FANCB: variants seen among roughly 807,000 people sequenced by gnomAD.
FANCB encodes Fanconi anemia group B protein.
A neutral mutation model predicts 38.9 loss-of-function variants in FANCB; 5 were observed. The ratio of observed to expected loss-of-function variants is 0.13; its 90% CI spans 0.07 to 0.27. The LOEUF (loss-of-function observed/expected upper bound fraction) is 0.27, where lower values mean the gene tolerates loss of function less well. FANCB is among the 10% of genes least tolerant of loss of function. The pLI, the probability that FANCB is intolerant of heterozygous loss-of-function variation, is 1.00. For synonymous variants in FANCB, 236 were observed against 215.4 expected (o/e 1.10, Z -0.84); for missense variants, 573 against 602.7 (o/e 0.95, Z 0.52).
the FANCB span, among the ~76,000 whole-genome samples, chrX:14,752,550 T>C: frequency 8.9e-6 from 1 of 112,049 alleles, no homozygotes; most frequent in Non-Finnish European, 1.9e-5. Context: ...CTCTTCCCTA[T>C]TTAGCATCCT....
chrX:14,862,845 G>A (rs1054499463), intron 3 of FANCB, among the ~76,000 whole-genome samples: 8 of 111,647 alleles, frequency 7.2e-5, no homozygotes, highest in Non-Finnish European at 1.5e-4. Context: ...TGGCTCAGTT[G>A]GGATTCAAAC....
At chrX:14,720,611 G>A in the FANCB span, among the ~76,000 whole-genome samples, 8 of 111,674 alleles carry the variant, frequency 7.2e-5, no homozygotes, top group African/African-American at 2.3e-4. Flanking sequence ...ATCCTTGTTT[G>A]GGGGATATAT....
the FANCB span, among the ~76,000 whole-genome samples, chrX:14,715,958 C>T: frequency 1.8e-5 from 2 of 111,537 alleles, no homozygotes; most frequent in East Asian, 5.6e-4. Context: ...AATGTAGGTC[C>T]CTTGTTTAAA....
the FANCB span, among the ~76,000 whole-genome samples, chrX:14,737,648 G>A: frequency 3.6e-5 from 4 of 112,014 alleles, no homozygotes; most frequent in African/African-American, 1.3e-4. Flanking sequence ...CATTCGCATG[G>A]TGTCTAACAC....
chrX:14,870,708 G>A (rs1416989861), intron 1 of FANCB, among the ~76,000 whole-genome samples: 2 of 111,273 alleles, frequency 1.8e-5, no homozygotes, highest in Non-Finnish European at 3.8e-5. Flanking sequence ...TAATAAATAT[G>A]TTGTTCATTC....
the FANCB span, among the ~76,000 whole-genome samples, chrX:14,712,842 G>T: frequency 2.7e-5 from 3 of 111,566 alleles, no homozygotes; most frequent in African/African-American, 9.8e-5. Context: ...TCTAGCCACC[G>T]TGTCTAACAA....
Position 14,859,346 on chromosome X carries a change from G to A in FANCB, c.952-12C>T. The stretch of plus-strand genomic sequence containing the variant: ...CATTTAGCAGCAACCTAAAAGAAAG[G>A]GAGCATTATAGGAGGAGTAGACAAG... On this transcript the variant is annotated splice_polypyrimidine_tract_variant and intron_variant, in intron 3 of 9. Coordinates refer to ENST00000650831, the MANE Select transcript of FANCB (RefSeq NM_001018113.3). 1 of 1,161,279 alleles carries A rather than the reference G, an allele frequency of 8.6e-7. No individual in the cohort carries two copies.
the FANCB span, chrX:14,690,839 A>G: frequency 8.3e-7 from 1 of 1,209,331 alleles, no homozygotes; most frequent in Non-Finnish European, 1.1e-6. Context: ...CCTCCGAAGA[A>G]GACAGAAGAG....
chrX:14,695,103 A>T, the FANCB span, among the ~76,000 whole-genome samples: 1 of 111,743 alleles, frequency 8.9e-6, no homozygotes, highest in Non-Finnish European at 1.9e-5. Flanking sequence ...ACCAGCAAAC[A>T]GATACTGTTT....
chrX:14,822,421 C>CATTATATT, the FANCB span, among the ~76,000 whole-genome samples: 1 of 109,499 alleles, frequency 9.1e-6, no homozygotes, highest in African/African-American at 3.3e-5. Flanking sequence ...TCTTAATCAA[C>CATTATATT]TGCCCTCACA....
chrX:14,782,368 C>T, the FANCB span, among the ~76,000 whole-genome samples: 1 of 111,662 alleles, frequency 9.0e-6, no homozygotes, highest in African/African-American at 3.3e-5. Context: ...TAAAATGAAA[C>T]TCATCAAGTC....
In FANCB at chrX:14,844,632, T is replaced by C; in HGVS notation, c.2036A>G (p.His679Arg). The C allele has an allele frequency of 1.7e-6, 2 of 1,208,672 alleles. No individual in the cohort carries two copies. Among genetic ancestry groups the C allele is most frequent in the South Asian group, 1.8e-5 (1 of 56,960 alleles). ...LNSMKVWLLE[H>R]MKCEIIKEFP... The stretch of plus-strand genomic sequence containing the variant: ...TTCTTTGATTATTTCACATTTCATA[T>C]GTTCTAAGAGCCACACCTTCATTGA... Residue 679 changes from histidine to arginine, a missense_variant, in exon 9 of 10, where the codon CAT becomes CGT. Coordinates refer to ENST00000650831, the MANE Select transcript of FANCB (RefSeq NM_001018113.3).
downstream of FANCB, among the ~76,000 whole-genome samples, chrX:14,841,410 G>A (rs1388587950): frequency 8.9e-6 from 1 of 112,189 alleles, no homozygotes; most frequent in Admixed American, 9.4e-5. Context: ...GTTTCTACTG[G>A]GGAGAGCAGG....
chrX:14,730,282 G>T, the FANCB span: 1 of 1,203,872 alleles, frequency 8.3e-7, no homozygotes, highest in Non-Finnish European at 1.1e-6. Context: ...AGTGAAAGAT[G>T]GAACAGCTGT....
the FANCB span, among the ~76,000 whole-genome samples, chrX:14,823,217 G>A: frequency 9.3e-6 from 1 of 106,963 alleles, no homozygotes; most frequent in Non-Finnish European, 1.9e-5. Context: ...CGAGTAGCTG[G>A]GATTACAGGC....
the FANCB span, among the ~76,000 whole-genome samples, chrX:14,825,351 CAT>C: frequency 8.9e-6 from 1 of 111,749 alleles, no homozygotes; most frequent in Non-Finnish European, 1.9e-5. Flanking sequence ...GTATGTCTCA[CAT>C]GTCTATTATA....
chrX:14,742,492 A>G, the FANCB span, among the ~76,000 whole-genome samples: 1 of 111,936 alleles, frequency 8.9e-6, no homozygotes, highest in Non-Finnish European at 1.9e-5. Flanking sequence ...AGTGTAAAAT[A>G]TAATAGTATA....
chrX:14,797,643 C>T, the FANCB span, among the ~76,000 whole-genome samples: 67 of 106,215 alleles, frequency 6.3e-4, no homozygotes, highest in African/African-American at 2.1e-3. Context: ...GACCGCACCC[C>T]TGTACTCCAG....
chrX:14,759,107 T>C, the FANCB span, among the ~76,000 whole-genome samples: 8 of 111,654 alleles, frequency 7.2e-5, no homozygotes, highest in African/African-American at 2.6e-4. Context: ...ATCAAACAAG[T>C]AGAAGAAATA....
Sources: allele counts gnomAD v4.1 joint callset (sites outside exome capture counted in the v4.1 genomes callset), GRCh38; gene constraint gnomAD v4.1.1; transcripts MANE v1.5; gene names NCBI Gene and HGNC (gene_info 2026-07-23, HGNC 2026-07-21).